The following CAPZB variants were observed in gnomAD, a reference collection of about 807,000 sequenced individuals.
CAPZB encodes the protein capping actin protein of muscle Z-line subunit beta.
A neutral mutation model predicts 38.1 loss-of-function variants in CAPZB; 2 were observed. The ratio of observed to expected loss-of-function variants is 0.05; its 90% CI spans 0.02 to 0.17. The LOEUF (loss-of-function observed/expected upper bound fraction) is 0.17. CAPZB is among the 10% of genes least tolerant of loss of function. CAPZB has a pLI of 1.00. For synonymous variants in CAPZB, 107 were observed against 127.4 expected (o/e 0.84, Z 1.08); for missense variants, 161 against 334.2 (o/e 0.48, Z 4.04).
intron 1 of CAPZB, among the ~76,000 whole-genome samples, chr1:19,452,626 C>A (rs1292047414): frequency 6.6e-6 from 1 of 151,880 alleles, no homozygotes; most frequent in Non-Finnish European, 1.5e-5. Flanking sequence ...CTCGGACAAA[C>A]CCCAAGTGTG....
intron 1 of CAPZB, among the ~76,000 whole-genome samples, chr1:19,430,533 T>C (rs1285969370): frequency 2.6e-5 from 4 of 152,124 alleles, no homozygotes; most frequent in African/African-American, 9.7e-5. Flanking sequence ...CCATCCAGAG[T>C]GCCAGAGGAG....
intron 1 of CAPZB, among the ~76,000 whole-genome samples, chr1:19,455,546 G>A (rs1189964181): frequency 6.6e-6 from 1 of 152,162 alleles, no homozygotes; most frequent in Non-Finnish European, 1.5e-5. Flanking sequence ...CAACAAGCGG[G>A]ATGCCCACAG....
At chr1:19,417,077 A>G (rs1483096557) in intron 2 of CAPZB, among the ~76,000 whole-genome samples, 1 of 151,890 alleles carries the variant, frequency 6.6e-6, no homozygotes, top group Non-Finnish European at 1.5e-5. Context: ...CAATGCTGCA[A>G]TTTCCCTGTT....
chr1:19,370,305 G>A (rs1032736542), intron 4 of CAPZB, among the ~76,000 whole-genome samples: 1 of 152,218 alleles, frequency 6.6e-6, no homozygotes. Flanking sequence ...TCCATAATTC[G>A]CTACAAGGAC....
intron 3 of CAPZB, among the ~76,000 whole-genome samples, chr1:19,383,868 C>T (rs1217395724): frequency 6.6e-6 from 1 of 152,040 alleles, no homozygotes; most frequent in African/African-American, 2.4e-5. Context: ...CCCTTCACAC[C>T]CCACCTCCTC....
At chr1:19,342,267 A>G (rs2093933312) in intron 8 of CAPZB, among the ~76,000 whole-genome samples, 1 of 152,208 alleles carries the variant, frequency 6.6e-6, no homozygotes, top group Non-Finnish European at 1.5e-5. Flanking sequence ...CAGAGATCAG[A>G]GAGTGAGGTC....
chr1:19,421,414 C>A lies in CAPZB; in HGVS notation c.4-1664G>T, dbSNP rs146014179. 2.8e-4 allele frequency among the ~76,000 whole-genome samples: 42 copies of A among 152,312 alleles called. No individual in the cohort carries two copies. The East Asian group carries it at 7.1e-3, about 26-fold the overall frequency. On this transcript the variant is annotated intron_variant, in intron 1 of 8. Coordinates refer to ENST00000264202, the MANE Select transcript of CAPZB (RefSeq NM_004930.5). ...AAAAAGAATGAAAGAAAAGAAAAAG[C>A]CTGTCCCTTGCTCAAGATGGCTATC...
intron 1 of CAPZB, among the ~76,000 whole-genome samples, chr1:19,449,656 G>A (rs576614220): frequency 8.4e-4 from 127 of 151,832 alleles, no homozygotes; most frequent in African/African-American, 1.9e-3. Flanking sequence ...GGCGTGGTGC[G>A]TGCCTACAGT....
chr1:19,378,958 G>A (rs763171176), intron 3 of CAPZB, among the ~76,000 whole-genome samples: 23 of 152,272 alleles, frequency 1.5e-4, no homozygotes, highest in African/African-American at 4.1e-4. Flanking sequence ...TACTTGCTCC[G>A]CACACAGGGT....
At chr1:19,435,286 A>G (rs1461787733) in intron 1 of CAPZB, among the ~76,000 whole-genome samples, 2 of 152,206 alleles carry the variant, frequency 1.3e-5, no homozygotes, top group Non-Finnish European at 2.9e-5. Context: ...TCCATCCCCA[A>G]TCAAACGCTG....
At chr1:19,449,772 A>C (rs1191235768) in intron 1 of CAPZB, among the ~76,000 whole-genome samples, 1 of 144,482 alleles carries the variant, frequency 6.9e-6, no homozygotes, top group Non-Finnish European at 1.5e-5. Context: ...TGACAGAGCA[A>C]GAGTCTGTCT....
intron 6 of CAPZB, among the ~76,000 whole-genome samples, chr1:19,346,845 C>T (rs12405042): frequency 0.055 from 6,247 of 114,552 alleles, 215 homozygotes; most frequent in East Asian, 0.15. Flanking sequence ...TTTTTTGAGA[C>T]GGAGTTTCGC....
At chr1:19,461,098 G>GC (rs2094550263) in intron 1 of CAPZB, among the ~76,000 whole-genome samples, 1 of 13,166 alleles carries the variant, frequency 7.6e-5, no homozygotes, top group Non-Finnish European at 9.9e-4. Context: ...GGCGGGGGCG[G>GC]GGGGGGGAGG....
intron 1 of CAPZB, among the ~76,000 whole-genome samples, chr1:19,468,876 G>C (rs117850074): frequency 1.3e-5 from 2 of 152,038 alleles, no homozygotes; most frequent in Non-Finnish European, 2.9e-5. Context: ...CAACAAAATC[G>C]GTCCCCTGGG....
At chr1:19,455,582 C>T (rs2094530531) in intron 1 of CAPZB, among the ~76,000 whole-genome samples, 1 of 152,152 alleles carries the variant, frequency 6.6e-6, no homozygotes, top group African/African-American at 2.4e-5. Flanking sequence ...CCGTCACAGT[C>T]CCTGCCGCAT....
At chr1:19,392,526 A>G (rs2094242178) in intron 2 of CAPZB, among the ~76,000 whole-genome samples, 1 of 95,272 alleles carries the variant, frequency 1.0e-5, no homozygotes, top group Non-Finnish European at 2.1e-5. Flanking sequence ...TTTCTTAAGA[A>G]TTAAAAAAAA....
rs183764983 is a variant in CAPZB at position 19,473,027 on chromosome 1, G to A, written c.3+12409C>T. Among the ~76,000 whole-genome samples, 32 of 151,584 alleles carry A rather than the reference G, an allele frequency of 2.1e-4. No homozygotes were observed. The East Asian group carries it at 5.2e-3, about 25-fold the overall frequency. ...CCACAGTGCCCGGCCCATTCTTCCT[G>A]CATTTTAAGATGGGTTCCAAGTCAT... On this transcript the variant is annotated intron_variant, in intron 1 of 8. Transcript: ENST00000264202.
intron 6 of CAPZB, among the ~76,000 whole-genome samples, chr1:19,346,452 T>TAAAAA (rs200968507): frequency 5.5e-5 from 4 of 73,246 alleles, no homozygotes; most frequent in African/African-American, 1.2e-4. Flanking sequence ...TGAGAGAAGC[T>TAAAAA]AAAAAAAAAA....
chr1:19,416,839 T>A, intron 2 of CAPZB, among the ~76,000 whole-genome samples: 1 of 115,486 alleles, frequency 8.7e-6, no homozygotes. Context: ...CTAGCCTGGG[T>A]GACAGAGCAA....
Sources: gnomAD v4.1 joint callset for allele counts (sites outside exome capture counted in the v4.1 genomes callset) on GRCh38, gnomAD v4.1.1 for gene constraint, MANE v1.5 for transcripts, NCBI Gene and HGNC (gene_info 2026-07-23, HGNC 2026-07-21) for gene names.